Variants in CDC14A observed in about 807,000 individuals in gnomAD.
CDC14A encodes cell division cycle 14A.
Under a neutral mutation model 74.4 loss-of-function variants are expected in CDC14A, and 53 were observed. The observed-to-expected ratio is 0.71, with a 90% CI of 0.57 to 0.89. CDC14A has a LOEUF of 0.89. Among genes scored for constraint, CDC14A ranks in the 40% least tolerant of loss-of-function variants. CDC14A has a pLI of 0.00. For missense variants in CDC14A, 646 were observed against 713.7 expected, an observed-to-expected ratio of 0.91 and a Z score of 1.08; for synonymous variants, 247 against 258.4, an observed-to-expected ratio of 0.96 and a Z score of 0.43.
intron 5 of CDC14A, among the ~76,000 whole-genome samples, chr1:100,432,094 G>GTT (rs1468649037): frequency 6.6e-6 from 1 of 151,980 alleles, no homozygotes; most frequent in African/African-American, 2.4e-5. Context: ...CTGAGATTCT[G>GTT]TTTTTTTGTT....
intron 15 of CDC14A, among the ~76,000 whole-genome samples, chr1:100,516,303 C>G (rs1030980656): frequency 3.3e-5 from 5 of 151,486 alleles, no homozygotes; most frequent in African/African-American, 1.2e-4. Context: ...CACATATTTG[C>G]CCCTCTATAT....
intron 4 of CDC14A, chr1:100,393,459 C>T (rs977159134): frequency 1.3e-6 from 1 of 775,046 alleles, no homozygotes; most frequent in African/African-American, 1.7e-5. Context: ...TCGTTTCATA[C>T]TGAGCAATTC....
intron 4 of CDC14A, among the ~76,000 whole-genome samples, chr1:100,399,323 T>C (rs1465446253): frequency 6.6e-6 from 1 of 152,158 alleles, no homozygotes; most frequent in East Asian, 1.9e-4. Flanking sequence ...ATGTAACACA[T>C]CTCTTTCTAT....
intron 4 of CDC14A, among the ~76,000 whole-genome samples, chr1:100,404,836 AC>A (rs1659737270): frequency 8.6e-6 from 1 of 116,534 alleles, no homozygotes; most frequent in African/African-American, 2.8e-5. Context: ...TCTCAAAAAA[AC>A]AAAACAAAAC....
At chr1:100,365,031 A>T (rs1238470517) in intron 2 of CDC14A, among the ~76,000 whole-genome samples, 1 of 152,238 alleles carries the variant, frequency 6.6e-6, no homozygotes, top group Non-Finnish European at 1.5e-5. Flanking sequence ...GTAAACCTGA[A>T]CTTTCTTAGA....
At chr1:100,387,552 G>A (rs1657049769) in intron 3 of CDC14A, among the ~76,000 whole-genome samples, 1 of 151,954 alleles carries the variant, frequency 6.6e-6, no homozygotes, top group Non-Finnish European at 1.5e-5. Flanking sequence ...TTTGCTTCCT[G>A]TGGGGAGTTT....
chr1:100,519,736 A>G lies in CDC14A; in HGVS notation c.*1456A>G, dbSNP rs1162721036. The G allele has an allele frequency of 1.3e-5, 2 of 152,586 alleles. No individual in the cohort carries two copies. Among genetic ancestry groups the G allele is most frequent in the African/African-American group, 4.8e-5 (2 of 41,456 alleles). 9.5% of individuals were successfully genotyped at this position (152,586 alleles called of 1,614,324 possible). On this transcript the variant is annotated 3_prime_UTR_variant, in exon 16 of 16. Coordinates refer to ENST00000336454, the MANE Select transcript of CDC14A (RefSeq NM_003672.4). ...TACCAAAAATTACACTCAACTGATG[A>G]AAAAAACGAATTGTATGATTTAGGA...
chr1:100,425,037 A>T (rs2101082244), intron 5 of CDC14A, among the ~76,000 whole-genome samples: 1 of 152,148 alleles, frequency 6.6e-6, no homozygotes, highest in African/African-American at 2.4e-5. Context: ...GCATAGTGGT[A>T]TGTGCTTGTA....
intron 5 of CDC14A, among the ~76,000 whole-genome samples, chr1:100,425,010 A>G (rs1662789292): frequency 1.3e-5 from 2 of 152,234 alleles, no homozygotes; most frequent in South Asian, 4.2e-4. Flanking sequence ...TCTACTAAAA[A>G]TACAAAAGTT....
chr1:100,415,615 A>G (rs1173697061), intron 4 of CDC14A, among the ~76,000 whole-genome samples: 2 of 152,226 alleles, frequency 1.3e-5, no homozygotes, highest in Non-Finnish European at 2.9e-5. Context: ...GAATGACTTT[A>G]TTTTACAACA....
At chr1:100,382,146 A>G (rs1419889224) in intron 3 of CDC14A, among the ~76,000 whole-genome samples, 2 of 151,898 alleles carry the variant, frequency 1.3e-5, no homozygotes, top group African/African-American at 4.8e-5. Flanking sequence ...CTTCTGAAAA[A>G]GAAGACTTTA....
chr1:100,392,082 G>C (rs1657790138), intron 4 of CDC14A, among the ~76,000 whole-genome samples: 1 of 152,174 alleles, frequency 6.6e-6, no homozygotes, highest in Non-Finnish European at 1.5e-5. Flanking sequence ...AAAATGAGAG[G>C]GTTGGATGTA....
intron 9 of CDC14A, 58 bp from the exon 10 acceptor site, chr1:100,467,898 T>C: frequency 6.7e-7 from 1 of 1,490,858 alleles, no homozygotes; most frequent in African/African-American, 1.4e-5. Context: ...GATTTCAGTG[T>C]TTTTGTGGTA....
intron 6 of CDC14A, among the ~76,000 whole-genome samples, chr1:100,442,671 C>A (rs530623537): frequency 6.6e-6 from 1 of 151,960 alleles, no homozygotes; most frequent in African/African-American, 2.4e-5. Context: ...ATTTTACATA[C>A]AAAACTGATG....
chr1:100,437,598 G>T (rs1664488788), intron 5 of CDC14A, among the ~76,000 whole-genome samples: 1 of 152,140 alleles, frequency 6.6e-6, no homozygotes. Flanking sequence ...GCCTAGTTCT[G>T]TCGGATGGCA....
intron 4 of CDC14A, among the ~76,000 whole-genome samples, chr1:100,412,702 A>ATATATATATATATATATAT (rs1660883964): frequency 1.0e-5 from 1 of 96,188 alleles, no homozygotes; most frequent in East Asian, 3.2e-4. Flanking sequence ...TGTTTTATAT[A>ATATATATATATATATATAT]TATATATATA....
intron 10 of CDC14A, among the ~76,000 whole-genome samples, chr1:100,483,315 T>C (rs1316298943): frequency 6.6e-6 from 1 of 152,210 alleles, no homozygotes; most frequent in Non-Finnish European, 1.5e-5. Context: ...CTCATTATGG[T>C]TTTGATTTGC....
At chr1:100,427,081 C>T (rs1038958103) in intron 5 of CDC14A, among the ~76,000 whole-genome samples, 1 of 152,084 alleles carries the variant, frequency 6.6e-6, no homozygotes, top group Non-Finnish European at 1.5e-5. Flanking sequence ...AAATTCTGGG[C>T]AGCCATCATT....
intron 5 of CDC14A, among the ~76,000 whole-genome samples, chr1:100,436,833 C>T (rs148385625): frequency 3.3e-4 from 51 of 152,242 alleles, no homozygotes; most frequent in Middle Eastern, 6.8e-3. Context: ...ATTGTTTTGT[C>T]TCTTCTCTTA....
Sources: gnomAD v4.1 joint callset for allele counts (sites outside exome capture counted in the v4.1 genomes callset) on GRCh38, gnomAD v4.1.1 for gene constraint, MANE v1.5 for transcripts, NCBI Gene and HGNC (gene_info 2026-07-23, HGNC 2026-07-21) for gene names.